FANCM: variants seen among roughly 807,000 people sequenced by gnomAD.
FANCM encodes the protein FA complementation group M, also known as Fanconi anemia group M protein.
A neutral mutation model predicts 199.5 loss-of-function variants in FANCM; 140 were observed. That is an observed-to-expected ratio of 0.70 (90% CI 0.61 to 0.81). The LOEUF (loss-of-function observed/expected upper bound fraction) is 0.81. Among genes scored for constraint, FANCM ranks in the 30% least tolerant of loss-of-function variants. The pLI is 0.00. For synonymous variants in FANCM, 840 were observed against 836.8 expected (o/e 1.00, Z -0.07); for missense variants, 2,410 against 2,421.4 (o/e 1.00, Z 0.10).
At chr14:45,144,866 A>G (rs1284192217) in intron 3 of FANCM, among the ~76,000 whole-genome samples, 1 of 152,110 alleles carries the variant, frequency 6.6e-6, no homozygotes, top group African/African-American at 2.4e-5. Context: ...GGTGTAAGAC[A>G]AAGTCTCCTT....
At chr14:45,171,744 T>G (rs1888357427) in intron 12 of FANCM, among the ~76,000 whole-genome samples, 1 of 151,992 alleles carries the variant, frequency 6.6e-6, no homozygotes, top group African/African-American at 2.4e-5. Context: ...ACATTTTCTT[T>G]ATCCACTCAC....
chr14:45,160,148 C>T (rs1314592166), intron 9 of FANCM, among the ~76,000 whole-genome samples: 2 of 150,842 alleles, frequency 1.3e-5, no homozygotes, highest in African/African-American at 4.9e-5. Context: ...TACAGGCACC[C>T]ACGCCTGGCT....
chr14:45,182,845 A>C (rs1889155020), intron 16 of FANCM, among the ~76,000 whole-genome samples: 1 of 152,184 alleles, frequency 6.6e-6, no homozygotes, highest in African/African-American at 2.4e-5. Context: ...AGCCTAGCCT[A>C]CCTTAAACGT....
At position 45,153,851 on chromosome 14, in the gene FANCM, C is replaced by T. The variant is rs566514921; in HGVS notation, c.1051-69C>T. The T allele has an allele frequency of 2.4e-6, 3 of 1,234,318 alleles. No homozygotes were observed. In the East Asian group the frequency reaches 7.0e-5, roughly 29 times the overall value. 76.5% of individuals were successfully genotyped at this position (1,234,318 alleles called of 1,614,324 possible). On this transcript the variant is annotated intron_variant, in intron 5 of 22. Coordinates refer to ENST00000267430, the MANE Select transcript of FANCM (RefSeq NM_020937.4). The stretch of plus-strand genomic sequence containing the variant: ...AAATGTTACACTGACTATGGCCTGA[C>T]AACTTGGGCATGGAGCATGTATGTT...
rs533313537 is a variant in FANCM at position 45,166,276 on chromosome 14, C to T, written c.1789-674C>T. On this transcript the variant is annotated intron_variant, in intron 10 of 22. Transcript: ENST00000267430. ...CCTCCTGAGTAGCTGGGACTACAGG[C>T]GCATGCCACCATGCCCGGCTAATTT... Among the ~76,000 whole-genome samples, 6 of 151,902 alleles carry T rather than the reference C, an allele frequency of 3.9e-5. No individual in the cohort carries two copies. In the South Asian group the frequency reaches 6.2e-4, roughly 16 times the overall value.
chr14:45,198,703 A>T lies in FANCM; in HGVS notation c.5776A>T (p.Ile1926Phe). The stretch of plus-strand genomic sequence containing the variant: ...CTATGACAGCCTGCTGACTACCTTA[A>T]TTGGCGCTGGAATCCGAATTCTTTT... Reference protein sequence around the residue: ...KSYDSLLTTLIGAGIRILFSS... With the variant: ...KSYDSLLTTLFGAGIRILFSS... Residue 1926 changes from isoleucine (I) to phenylalanine (F), a missense_variant, in exon 22 of 23, where the codon ATT becomes TTT. Ile to Phe is a conservative substitution (Grantham distance 21). Transcript: ENST00000267430. 6.2e-7 allele frequency: 1 copy of T among 1,613,900 alleles called. No homozygotes were observed. The highest frequency in any genetic ancestry group is 8.5e-7 in the Non-Finnish European group (1 of 1,179,796).
intron 16 of FANCM, among the ~76,000 whole-genome samples, chr14:45,182,540 T>C (rs989231703): frequency 6.6e-6 from 1 of 152,136 alleles, no homozygotes; most frequent in Non-Finnish European, 1.5e-5. Context: ...GAAGTTTCTG[T>C]GGGATAGTAA....
At chr14:45,161,091 A>G (rs973656223) in intron 9 of FANCM, among the ~76,000 whole-genome samples, 39 of 152,074 alleles carry the variant, frequency 2.6e-4, no homozygotes, top group African/African-American at 9.2e-4. Flanking sequence ...GCAGTACCCA[A>G]TCCGATCTCT....
chr14:45,181,976 A>G (rs1402860541), intron 16 of FANCM, among the ~76,000 whole-genome samples: 1 of 152,250 alleles, frequency 6.6e-6, no homozygotes, highest in African/African-American at 2.4e-5. Flanking sequence ...CAATTCGGCA[A>G]GCATTCATTA....
intron 4 of FANCM, among the ~76,000 whole-genome samples, chr14:45,149,290 C>T (rs868404070): frequency 5.4e-4 from 81 of 150,722 alleles, no homozygotes; most frequent in African/African-American, 1.7e-3. Flanking sequence ...AACATGCACA[C>T]ACACACACAC....
At chr14:45,141,063 C>T (rs988041626) in intron 3 of FANCM, among the ~76,000 whole-genome samples, 5 of 151,988 alleles carry the variant, frequency 3.3e-5, no homozygotes, top group African/African-American at 4.8e-5. Flanking sequence ...CCAAGGTGGG[C>T]GGATCACAAG....
At chr14:45,199,698 A>G (rs574855124) in intron 22 of FANCM, among the ~76,000 whole-genome samples, 172 bp from the exon 23 acceptor site, 197 of 152,362 alleles carry the variant, frequency 1.3e-3, no homozygotes, top group South Asian at 9.9e-3. Flanking sequence ...TTTTAAGGAA[A>G]GGAAACAAGT....
At chr14:45,174,014 A>G (rs1321646647) in intron 13 of FANCM, among the ~76,000 whole-genome samples, 1 of 152,174 alleles carries the variant, frequency 6.6e-6, no homozygotes, top group Non-Finnish European at 1.5e-5. Flanking sequence ...AACAGAGAAA[A>G]TATTCTGTTT....
At position 45,176,317 on chromosome 14, in the gene FANCM, C is replaced by G. The variant is rs1043758393; in HGVS notation, c.3563C>G (p.Ser1188Cys). 8.1e-6 allele frequency: 13 copies of G among 1,613,826 alleles called. No individual in the cohort carries two copies. The highest frequency in any genetic ancestry group is 1.3e-5 in the African/African-American group (1 of 74,920). Residue 1188 changes from serine (S) to cysteine (C), a missense_variant, in exon 14 of 23, where the codon TCT (serine) becomes TGT (cysteine). Ser to Cys is a moderately radical substitution (Grantham distance 112). Transcript: ENST00000267430. Reference sequence around the variant, plus strand: ...GATGAACTTTTGTTGGACAATAATTCTGAACTCCAAGATCAAATCACCCGT... The same window carrying G: ...GATGAACTTTTGTTGGACAATAATTGTGAACTCCAAGATCAAATCACCCGT... ...ISDELLLDNN[S>C]ELQDQITRDA...
intron 10 of FANCM, 137 bp from the exon 11 acceptor site, chr14:45,166,813 C>T (rs1245214588): frequency 3.2e-6 from 2 of 620,488 alleles, no homozygotes; most frequent in Non-Finnish European, 5.7e-6. Context: ...ACAACAGAAG[C>T]TCCATTTTCT....
At chr14:45,169,943 T>G (rs1888233152) in intron 11 of FANCM, among the ~76,000 whole-genome samples, 1 of 152,192 alleles carries the variant, frequency 6.6e-6, no homozygotes, top group Non-Finnish European at 1.5e-5. Flanking sequence ...TACATACTCC[T>G]TTTAAAAGTC....
rs1297955914 is a variant in FANCM, at chr14:45,136,025, C to T, written c.-7C>T. The T allele has an allele frequency of 6.2e-7, 1 of 1,612,964 alleles. No homozygotes were observed. Among genetic ancestry groups the T allele is most frequent in the East Asian group, 2.2e-5 (1 of 44,882 alleles). On this transcript the variant is annotated 5_prime_UTR_variant, in exon 1 of 23. Transcript: ENST00000267430. ...TCTGACAGAAGCCTTCGGTGGTTGT[C>T]GGCCTAATGAGCGGACGGCAAAGAA...
intron 20 of FANCM, among the ~76,000 whole-genome samples, chr14:45,195,802 G>T (rs1367039860): frequency 1.3e-5 from 2 of 151,920 alleles, no homozygotes; most frequent in Non-Finnish European, 2.9e-5. Flanking sequence ...ATCTTGTCTG[G>T]TTTCCTTATT....
chr14:45,198,435 G>T, intron 21 of FANCM: 1 of 425,316 alleles, frequency 2.4e-6, no homozygotes, highest in Non-Finnish European at 4.2e-6. Context: ...ACCTTTCTAC[G>T]TTGATTCCAG....
Sources: gnomAD v4.1 joint callset for allele counts (sites outside exome capture counted in the v4.1 genomes callset) on GRCh38, gnomAD v4.1.1 for gene constraint, MANE v1.5 for transcripts, NCBI Gene and HGNC (gene_info 2026-07-23, HGNC 2026-07-21) for gene names.